BTBD8: variants seen among roughly 807,000 people sequenced by gnomAD.
BTBD8 encodes the protein BTB/POZ domain-containing protein 8.
Under a neutral mutation model 162.9 loss-of-function variants are expected in BTBD8, and 110 were observed. That is an observed-to-expected ratio of 0.68 (90% CI 0.58 to 0.79). The LOEUF (loss-of-function observed/expected upper bound fraction) is 0.79, where lower values mean the gene tolerates loss of function less well. BTBD8 is among the 30% of genes least tolerant of loss of function. The pLI is 0.00. For synonymous variants in BTBD8, 667 were observed against 716.1 expected (o/e 0.93, Z 1.10); for missense variants, 1,905 against 2,085.4 (o/e 0.91, Z 1.68).
intron 3 of BTBD8, among the ~76,000 whole-genome samples, chr1:92,103,730 C>G (rs560871575): frequency 6.6e-6 from 1 of 152,206 alleles, no homozygotes; most frequent in Middle Eastern, 3.4e-3. Flanking sequence ...GTTTCCTTAC[C>G]CTGTAATATA....
At position 92,176,859 on chromosome 1, in the gene BTBD8, A is replaced by G. The variant is rs1408097351; in HGVS notation, c.1666A>G (p.Ile556Val). The G allele has an allele frequency of 1.4e-6, 2 of 1,466,128 alleles. No homozygotes were observed. Among genetic ancestry groups the G allele is most frequent in the Non-Finnish European group, 1.8e-6 (2 of 1,107,670 alleles). 90.8% of individuals were successfully genotyped at this position (1,466,128 alleles called of 1,614,324 possible). A position where few individuals can be genotyped will look rare whatever the true frequency, so the allele number is the denominator to read the frequency against. The change falls in exon 14 of 18, where the codon ATA becomes GTA. Residue 556 changes from isoleucine (I) to valine (V), a missense_variant. This residue lies in a region of BTBD8 where 1,374 missense variants were observed against 1,442.7 expected (regional missense o/e 0.95). Transcript: ENST00000636805. ...GAAACAAGTTTCTGACTCTGGTGAT[A>G]TAAAAATCAAATCTTGGAGGGGAAA... ...QRKQVSDSGD[I>V]KIKSWRGNNK... is the part of the protein sequence containing the mutation.
intron 12 of BTBD8, 131 bp downstream of exon 12, chr1:92,169,126 G>T: frequency 1.2e-6 from 1 of 840,096 alleles, no homozygotes; most frequent in Non-Finnish European, 1.7e-6. Flanking sequence ...AACTGAAACT[G>T]GTGCTCATAT....
chr1:92,118,803 CT>C (rs386367658), intron 4 of BTBD8, among the ~76,000 whole-genome samples: 90 of 95,258 alleles, frequency 9.4e-4, no homozygotes, highest in Admixed American at 1.7e-3. Context: ...TTCTTTCTTT[CT>C]TTTTTTTTTT....
chr1:92,095,575 A>G (rs1250387603), intron 2 of BTBD8, among the ~76,000 whole-genome samples: 3 of 152,108 alleles, frequency 2.0e-5, no homozygotes, highest in East Asian at 3.9e-4. Flanking sequence ...TTACTCCCCT[A>G]TTGTTGAATC....
chr1:92,095,078 A>G lies in BTBD8; in HGVS notation c.347+6183A>G, dbSNP rs555490380. 2.6e-5 allele frequency among the ~76,000 whole-genome samples: 4 copies of G among 152,242 alleles called. No homozygotes were observed. The South Asian group carries it at 8.3e-4, about 32-fold the overall frequency. ...GCCCCTCCCAGGTTCGCTAATTCCTAGAGATAGTAAATGACTTGCCTGTGA... is the reference window on the plus strand; with the variant it reads ...GCCCCTCCCAGGTTCGCTAATTCCTGGAGATAGTAAATGACTTGCCTGTGA... On this transcript the variant is annotated intron_variant, in intron 2 of 17. Transcript: ENST00000636805.
chr1:92,153,463 T>G (rs1650092750), intron 9 of BTBD8, among the ~76,000 whole-genome samples: 1 of 152,192 alleles, frequency 6.6e-6, no homozygotes, highest in Non-Finnish European at 1.5e-5. Flanking sequence ...GGCACACAGT[T>G]GAACAGCTGA....
In BTBD8 at chr1:92,108,020, T is replaced by A. The variant is rs1461636825; in HGVS notation, c.662+19T>A. Reference sequence around the variant, plus strand: ...CTCACAGGTAAATAGACACGACTGATTTGCTGTCTTGGTTGTGGCTGTAGA... The same window carrying A: ...CTCACAGGTAAATAGACACGACTGAATTGCTGTCTTGGTTGTGGCTGTAGA... On this transcript the variant is annotated intron_variant, in intron 4 of 17. Transcript: ENST00000636805. The A allele has an allele frequency of 6.3e-7, 1 of 1,592,180 alleles. No individual in the cohort carries two copies. Among genetic ancestry groups the A allele is most frequent in the Admixed American group, 1.7e-5 (1 of 59,974 alleles).
chr1:92,123,248 G>T (rs1017740439), intron 4 of BTBD8, among the ~76,000 whole-genome samples: 19 of 152,150 alleles, frequency 1.2e-4, no homozygotes, highest in Admixed American at 6.5e-5. Context: ...GATTATTGCT[G>T]CTTTATAGTA....
chr1:92,184,360 C>T lies in BTBD8; in HGVS notation c.*30C>T. The T allele has an allele frequency of 7.1e-7, 1 of 1,409,872 alleles. No individual in the cohort carries two copies. The highest frequency in any genetic ancestry group is 9.6e-7 in the Non-Finnish European group (1 of 1,043,948). 87.3% of individuals were successfully genotyped at this position (1,409,872 alleles called of 1,614,324 possible). A position where few individuals can be genotyped will look rare whatever the true frequency, so the allele number is the denominator to read the frequency against. On this transcript the variant is annotated 3_prime_UTR_variant, in exon 18 of 18. Transcript: ENST00000636805. ...TAACATTTTGGAAAAATTTATGCCA[C>T]TCCTTTATTTTTTGATGCCTATATT...
chr1:92,122,638 A>T (rs995893161), intron 4 of BTBD8, among the ~76,000 whole-genome samples: 4 of 151,638 alleles, frequency 2.6e-5, no homozygotes, highest in African/African-American at 9.7e-5. Flanking sequence ...ATCTCGGCTC[A>T]CTACAAGCCT....
intron 4 of BTBD8, among the ~76,000 whole-genome samples, chr1:92,119,615 C>G (rs1365802607): frequency 6.7e-6 from 1 of 148,618 alleles, no homozygotes; most frequent in African/African-American, 2.5e-5. Context: ...TCTATAAGCT[C>G]TTTTCTTTTC....
At chr1:92,150,156 T>C (rs180777933) in intron 9 of BTBD8, among the ~76,000 whole-genome samples, 30 of 152,324 alleles carry the variant, frequency 2.0e-4, no homozygotes, top group Admixed American at 1.6e-3. Flanking sequence ...AAACAATGTA[T>C]AGCAAAACTA....
At chr1:92,179,379 C>T (rs1008165396) in intron 16 of BTBD8, among the ~76,000 whole-genome samples, 4 of 152,080 alleles carry the variant, frequency 2.6e-5, no homozygotes, top group East Asian at 1.9e-4. Flanking sequence ...GAAAAGAGTA[C>T]TGATCAGATT....
chr1:92,112,070 C>T (rs953554583), intron 4 of BTBD8, among the ~76,000 whole-genome samples: 10 of 151,990 alleles, frequency 6.6e-5, no homozygotes, highest in African/African-American at 1.2e-4. Context: ...AGTGAAAACT[C>T]GGATGAGTGC....
intron 4 of BTBD8, among the ~76,000 whole-genome samples, chr1:92,114,139 T>C (rs1648976606): frequency 6.6e-6 from 1 of 151,718 alleles, no homozygotes; most frequent in Non-Finnish European, 1.5e-5. Context: ...AAATAATTGT[T>C]AAAAAAAACA....
At chr1:92,095,981 T>C (rs1408202544) in intron 2 of BTBD8, among the ~76,000 whole-genome samples, 1 of 151,734 alleles carries the variant, frequency 6.6e-6, no homozygotes, top group Non-Finnish European at 1.5e-5. Flanking sequence ...CTACTTTTTT[T>C]TTTTTTCTGA....
chr1:92,114,905 C>T, intron 4 of BTBD8: 1 of 313,760 alleles, frequency 3.2e-6, no homozygotes, highest in Non-Finnish European at 6.2e-6. Context: ...GTCATTAGGG[C>T]AATGCCAGCC....
intron 1 of BTBD8, among the ~76,000 whole-genome samples, chr1:92,084,361 T>G (rs1648098564): frequency 6.6e-6 from 1 of 152,184 alleles, no homozygotes; most frequent in East Asian, 1.9e-4. Context: ...GTATGGTGGA[T>G]GTACCTGCGT....
At chr1:92,176,720 TATG>T in intron 13 of BTBD8, 106 bp from the exon 14 acceptor site, 1 of 564,496 alleles carries the variant, frequency 1.8e-6, no homozygotes, top group African/African-American at 1.9e-5. Flanking sequence ...TAAATCATAA[TATG>T]AACTTTTCTA....
Sources: allele counts gnomAD v4.1 joint callset (sites outside exome capture counted in the v4.1 genomes callset), GRCh38; gene constraint gnomAD v4.1.1; regional missense constraint gnomAD v4.1.1; transcripts MANE v1.5; gene names NCBI Gene and HGNC (gene_info 2026-07-23, HGNC 2026-07-21).